Variants in MIGA1 observed in about 807,000 individuals in gnomAD.
MIGA1 encodes the protein mitoguardin 1, also known as family with sequence similarity 73, member A.
A neutral mutation model predicts 82.0 loss-of-function variants in MIGA1; 58 were observed. That is an observed-to-expected ratio of 0.71 (90% CI 0.57 to 0.88). The LOEUF is 0.88. MIGA1 is among the 40% of genes least tolerant of loss of function. The pLI is 0.00. For synonymous variants in MIGA1, 249 were observed against 253.6 expected (o/e 0.98, Z 0.17); for missense variants, 751 against 749.1 (o/e 1.00, Z -0.03).
chr1:77,838,931 A>G (rs776316306), intron 7 of MIGA1, among the ~76,000 whole-genome samples: 8 of 151,898 alleles, frequency 5.3e-5, no homozygotes, highest in Admixed American at 2.0e-4. Flanking sequence ...ATTTATTTTC[A>G]TTGTTGTGTA....
chr1:77,817,917 T>C (rs1034624428), intron 7 of MIGA1, among the ~76,000 whole-genome samples: 2 of 152,182 alleles, frequency 1.3e-5, no homozygotes, highest in South Asian at 2.1e-4. Flanking sequence ...ACTTCATTTT[T>C]TTCCCTTAAG....
At chr1:77,853,360 A>G (rs1319308016) in intron 8 of MIGA1, 1 of 156,842 alleles carries the variant, frequency 6.4e-6, no homozygotes, top group Non-Finnish European at 1.4e-5. Flanking sequence ...GAGTCATGGC[A>G]GGACAAGCAT....
chr1:77,822,471 A>G (rs929277577), intron 7 of MIGA1, among the ~76,000 whole-genome samples: 1 of 152,222 alleles, frequency 6.6e-6, no homozygotes, highest in Admixed American at 6.5e-5. Flanking sequence ...TTTTTTGTAT[A>G]TCATAACAAA....
chr1:77,784,323 C>T (rs1406984188), intron 2 of MIGA1, among the ~76,000 whole-genome samples: 1 of 152,022 alleles, frequency 6.6e-6, no homozygotes, highest in African/African-American at 2.4e-5. Context: ...CTCCTGGGGT[C>T]AAGCAATCCT....
rs1683526392 is a variant in MIGA1, at chr1:77,815,186, G to A, written c.850G>A (p.Ala284Thr). 6.2e-7 allele frequency: 1 copy of A among 1,609,936 alleles called. No homozygotes were observed. Among genetic ancestry groups the A allele is most frequent in the African/African-American group, 1.3e-5 (1 of 74,944 alleles). Residue 284 changes from alanine to threonine, a missense_variant, in exon 7 of 16, where the codon GCT (alanine) becomes ACT (threonine). Coordinates refer to ENST00000370791, the MANE Select transcript of MIGA1 (RefSeq NM_198549.4). ...CTATCGTCTCCAAGAGGAGTTTGAA[G>A]CTACCCTTGGGGCATCTGATCCTAA...
At position 77,848,458 on chromosome 1, in the gene MIGA1, G is replaced by C. The variant is rs1684925980; in HGVS notation, c.996+5051G>C. On this transcript the variant is annotated intron_variant, in intron 8 of 15. Transcript: ENST00000370791. ...AGAGATAGAGAAAAACAAGAAGTAA[G>C]TGTTTGATCTTCAGAAAGAAATCTT... The C allele has an allele frequency of 3.2e-6, 3 of 952,332 alleles. No homozygotes were observed. In the South Asian group the frequency reaches 4.6e-5, roughly 15 times the overall value. The allele number at this position is 952,332 out of a possible 1,614,324, so 59.0% of individuals were successfully genotyped here.
At chr1:77,829,821 G>A (rs12085547) in intron 7 of MIGA1, among the ~76,000 whole-genome samples, 38,624 of 151,052 alleles carry the variant, frequency 0.26, 5,135 homozygotes, top group Non-Finnish European at 0.28. Flanking sequence ...ATGTTTGGAT[G>A]GGTAATTGCC....
intron 14 of MIGA1, among the ~76,000 whole-genome samples, chr1:77,867,210 CTACT>C (rs1460236662): frequency 1.3e-5 from 2 of 152,184 alleles, no homozygotes; most frequent in African/African-American, 2.4e-5. Context: ...TGGAGTGAGA[CTACT>C]GGGTTCAAAT....
Position 77,873,103 on chromosome 1 carries a change from T to C in MIGA1, c.1663T>C (p.Leu555=), listed in dbSNP as rs758931364. 1 of 1,613,232 alleles carries C rather than the reference T, an allele frequency of 6.2e-7. No homozygotes were observed. Among genetic ancestry groups the C allele is most frequent in the Non-Finnish European group, 8.5e-7 (1 of 1,179,384 alleles). Residue 555 remains leucine, a synonymous_variant, in exon 15 of 16, where the codon TTA becomes CTA. Coordinates refer to ENST00000370791, the MANE Select transcript of MIGA1 (RefSeq NM_198549.4). ...GGGTCCTAGAAATTCTCTGTATGAT[T>C]TATGTTGCTTTTTTAAGGTATGTTC...
At position 77,863,981 on chromosome 1, in the gene MIGA1, C is replaced by A; in HGVS notation, c.1462C>A (p.Gln488Lys). Reference sequence around the variant, plus strand: ...TTTGGAAAACCCACCCACATCCATACAGAATGTAGTAAATAATCGATGGCT... The same window carrying A: ...TTTGGAAAACCCACCCACATCCATAAAGAATGTAGTAAATAATCGATGGCT... The change falls in exon 13 of 16, where the codon CAG becomes AAG. Residue 488 changes from glutamine to lysine, a missense_variant. Physicochemically the swap from Gln to Lys is moderately conservative, Grantham distance 53. This residue lies in a region of MIGA1 where 265 missense variants were observed against 293.6 expected (regional missense o/e 0.90). Transcript: ENST00000370791. 1 of 1,609,072 alleles carries A rather than the reference C, an allele frequency of 6.2e-7. No homozygotes were observed. Among genetic ancestry groups the A allele is most frequent in the African/African-American group, 1.3e-5 (1 of 74,710 alleles).
In MIGA1 at chr1:77,813,815, G is replaced by A. The variant is rs1361797565; in HGVS notation, c.719G>A (p.Cys240Tyr). ...AATAGACAGGCTGAAGATGAAGCCT[G>A]TGGTTCCATTAAACTGGGTGCAGGA... The change falls in exon 6 of 16, where the codon TGT (cysteine) becomes TAT (tyrosine). Residue 240 changes from cysteine to tyrosine, a missense_variant. By Grantham distance (194) the Cys-to-Tyr change is radical. Around this residue, in one of 3 missense-constraint regions of MIGA1, gnomAD observed 482 missense variants for 439.4 expected, o/e 1.10. Coordinates refer to ENST00000370791, the MANE Select transcript of MIGA1 (RefSeq NM_198549.4). 2 of 1,614,216 alleles carry A rather than the reference G, an allele frequency of 1.2e-6. No individual in the cohort carries two copies. Among genetic ancestry groups the A allele is most frequent in the East Asian group, 2.2e-5 (1 of 44,888 alleles).
chr1:77,865,173 G>A (rs1395721188), intron 13 of MIGA1, among the ~76,000 whole-genome samples: 9 of 151,154 alleles, frequency 6.0e-5, no homozygotes, highest in Non-Finnish European at 1.3e-4. Flanking sequence ...TCACCTCCAA[G>A]GGTCAGATTT....
At position 77,876,233 on chromosome 1, in the gene MIGA1, C is replaced by T. The variant is rs554177549; in HGVS notation, c.*1169C>T. 7 of 152,334 alleles carry T rather than the reference C, an allele frequency of 4.6e-5. No individual in the cohort carries two copies. The South Asian group carries it at 8.3e-4, about 18-fold the overall frequency. 9.4% of individuals were successfully genotyped at this position (152,334 alleles called of 1,614,324 possible). ...GCTGAGGTGGGAGGATCACTTGAGT[C>T]CAGAAGGTCAAGGCTGTCATGAGCT... On this transcript the variant is annotated 3_prime_UTR_variant, in exon 16 of 16. Coordinates refer to ENST00000370791, the MANE Select transcript of MIGA1 (RefSeq NM_198549.4).
intron 2 of MIGA1, among the ~76,000 whole-genome samples, chr1:77,796,339 C>T (rs375639105): frequency 1.3e-4 from 20 of 151,862 alleles, no homozygotes; most frequent in East Asian, 5.8e-4. Flanking sequence ...AGGATGGTCT[C>T]GATCTCCTGA....
chr1:77,814,437 G>A (rs1468353551), intron 6 of MIGA1, among the ~76,000 whole-genome samples: 2 of 151,870 alleles, frequency 1.3e-5, no homozygotes, highest in African/African-American at 2.4e-5. Context: ...CCAGGTTGGA[G>A]TACAGTGGTT....
intron 12 of MIGA1, chr1:77,862,356 AGAATTGCTT>A (rs1469879858): frequency 6.6e-6 from 1 of 151,014 alleles, no homozygotes; most frequent in Non-Finnish European, 1.5e-5. Flanking sequence ...CCAAGGAATG[AGAATTGCTT>A]GAACCTGGGA....
At chr1:77,782,432 A>G (rs987995135) in intron 1 of MIGA1, among the ~76,000 whole-genome samples, 4 of 152,244 alleles carry the variant, frequency 2.6e-5, no homozygotes, top group Middle Eastern at 3.4e-3. Flanking sequence ...GAATATGTAC[A>G]CTAGATCGTT....
At position 77,860,053 on chromosome 1, in the gene MIGA1, A is replaced by C; in HGVS notation, c.1202A>C (p.Glu401Ala). 6.2e-7 allele frequency: 1 copy of C among 1,607,758 alleles called. No individual in the cohort carries two copies. The highest frequency in any genetic ancestry group is 8.5e-7 in the Non-Finnish European group (1 of 1,176,754). The stretch of plus-strand genomic sequence containing the variant: ...ATATTTTTTCAGGTAATTCTTTCAG[A>C]ATCAGCTAACAGGATATTCCTCGCT... The change falls in exon 11 of 16, where the codon GAA becomes GCA. Residue 401 changes from glutamate (E) to alanine (A), a missense_variant. This residue lies in a region of MIGA1 where 265 missense variants were observed against 293.6 expected (regional missense o/e 0.90). Coordinates refer to ENST00000370791, the MANE Select transcript of MIGA1 (RefSeq NM_198549.4).
chr1:77,794,373 C>G (rs1034025594), intron 2 of MIGA1, among the ~76,000 whole-genome samples: 1 of 152,164 alleles, frequency 6.6e-6, no homozygotes, highest in African/African-American at 2.4e-5. Context: ...TTAGTCTTCT[C>G]CAATCTGTGA....
Sources: gnomAD v4.1 joint callset for allele counts (sites outside exome capture counted in the v4.1 genomes callset) on GRCh38, gnomAD v4.1.1 for gene constraint, gnomAD v4.1.1 regional missense constraint, MANE v1.5 for transcripts, NCBI Gene and HGNC (gene_info 2026-07-23, HGNC 2026-07-21) for gene names.